The following CDHR5 variants were observed in gnomAD, a reference collection of about 807,000 sequenced individuals.
CDHR5 encodes the protein cadherin-related family member 5.
CDHR5 carries 82 observed loss-of-function variants against 69.5 expected under a neutral mutation model. The ratio of observed to expected loss-of-function variants is 1.18; its 90% CI spans 0.99 to 1.42. The LOEUF is 1.42. CDHR5 is among the 40% of genes most tolerant of loss of function. CDHR5 has a pLI of 0.00. For synonymous variants in CDHR5, 601 were observed against 510.2 expected (o/e 1.18, Z -2.40); for missense variants, 1,293 against 1,168.9 (o/e 1.11, Z -1.55).
rs747435189 is a variant in CDHR5 at position 618,107 on chromosome 11, G to A, written c.1965C>T (p.Gly655=). The part of the protein sequence containing the change: ...PLSKSTPSSG[G]GPSEDKRFSV... ...AGAAGCGCTTGTCCTCCGAGGGGCCGCCACCTGGCATCGCAGTGGAAAACG... is the reference window on the plus strand; with the variant it reads ...AGAAGCGCTTGTCCTCCGAGGGGCCACCACCTGGCATCGCAGTGGAAAACG... The change falls in exon 14 of 15, where the codon GGC becomes GGT. Residue 655 remains glycine, a synonymous_variant. Transcript: ENST00000397542. The A allele has an allele frequency of 1.3e-5, 21 of 1,606,560 alleles. No individual in the cohort carries two copies. Among genetic ancestry groups the A allele is most frequent in the Non-Finnish European group, 1.6e-5 (19 of 1,176,512 alleles).
In CDHR5 at chr11:620,056, G is replaced by A; in HGVS notation, c.978+11C>T. 2 of 1,594,440 alleles carry A rather than the reference G, an allele frequency of 1.3e-6. No homozygotes were observed. The highest frequency in any genetic ancestry group is 1.7e-6 in the Non-Finnish European group (2 of 1,167,656). ...CCTCTGCCCTGCCCCCCATGCAGGT[G>A]CCCACCTCACCTTCACCAGCAGAAG... is the stretch of plus-strand genomic sequence containing the variant. On this transcript the variant is annotated intron_variant, in intron 9 of 14. Coordinates refer to ENST00000397542, the MANE Select transcript of CDHR5 (RefSeq NM_021924.5).
Position 617,272 on chromosome 11 carries a change from T to G in CDHR5, c.*79A>C. 7 of 1,195,222 alleles carry G rather than the reference T, an allele frequency of 5.9e-6. No homozygotes were observed. Among genetic ancestry groups the G allele is most frequent in the Non-Finnish European group, 7.1e-6 (6 of 845,840 alleles). The allele number at this position is 1,195,222 out of a possible 1,614,324, so 74.0% of individuals were successfully genotyped here. ...TGGCCTGGGTTTCGGGAGCCTTGCT[T>G]TATTCTGCCTCGGGTCGGAGGCTGG... On this transcript the variant is annotated 3_prime_UTR_variant, in exon 15 of 15. Transcript: ENST00000397542.
At position 621,154 on chromosome 11, in the gene CDHR5, G is replaced by A; in HGVS notation, c.715C>T (p.Pro239Ser). 6.2e-7 allele frequency: 1 copy of A among 1,604,024 alleles called. No individual in the cohort carries two copies. The highest frequency in any genetic ancestry group is 8.5e-7 in the Non-Finnish European group (1 of 1,174,726). The change falls in exon 7 of 15, where the codon CCC (proline) becomes TCC (serine). Residue 239 changes from proline to serine, a missense_variant. Coordinates refer to ENST00000397542, the MANE Select transcript of CDHR5 (RefSeq NM_021924.5). This position sits in a 1 kb window ranked among gnomAD's most constrained non-coding sequence, Gnocchi z 4.4. ...PADLRPPWFLPCTFSDGYVCI... is the reference protein window; with the variant it reads ...PADLRPPWFLSCTFSDGYVCI... ...ACGTAGCCATCTGAGAAGGTGCAGG[G>A]CAGGAACCACGGGGGCCGCAGGTCG...
rs777830439 is a variant in CDHR5 at position 620,363 on chromosome 11, GGGA to G, written c.810_812del (p.Pro271del). On this transcript the variant is annotated inframe_deletion, in exon 8 of 15. Transcript: ENST00000397542. ...CTCCGTCCTCAGCGTAGATGGGTCC[GGGA>G]CGCAGGACGAGGGGAGATGGCTTCA... 3 of 1,610,522 alleles carry G rather than the reference GGGA, an allele frequency of 1.9e-6. No homozygotes were observed. Among genetic ancestry groups the G allele is most frequent in the Non-Finnish European group, 1.7e-6 (2 of 1,177,756 alleles).
In CDHR5 at chr11:624,180, G is replaced by T. The variant is rs199628020; in HGVS notation, c.312+33C>A. 484 of 739,910 alleles carry T rather than the reference G, an allele frequency of 6.5e-4. 2 individuals are homozygous for T. In the Middle Eastern group the frequency reaches 8.4e-3, roughly 13 times the overall value. 45.8% of individuals were successfully genotyped at this position (739,910 alleles called of 1,614,324 possible). On this transcript the variant is annotated intron_variant, in intron 3 of 14. Coordinates refer to ENST00000397542, the MANE Select transcript of CDHR5 (RefSeq NM_021924.5). The surrounding 1 kb of genome is among the most constrained non-coding windows in gnomAD (Gnocchi z 5.3). Reference sequence around the variant, plus strand: ...AGGGCAGAGCCCAGCAGAGGTGGCCGGGTGGGGCGGGGAGAGCGGGGCGGG... The same window carrying T: ...AGGGCAGAGCCCAGCAGAGGTGGCCTGGTGGGGCGGGGAGAGCGGGGCGGG...
chr11:619,469 C>G lies in CDHR5; in HGVS notation c.1293+5G>C. The G allele has an allele frequency of 1.2e-6, 2 of 1,610,298 alleles. No homozygotes were observed. Among genetic ancestry groups the G allele is most frequent in the Non-Finnish European group, 1.7e-6 (2 of 1,176,638 alleles). Reference sequence around the variant, plus strand: ...TTGGAGATGCCCGCCTGCCCTGCCCCGCACCTCTGCGTAGAAGGCTCCCGC... The same window carrying G: ...TTGGAGATGCCCGCCTGCCCTGCCCGGCACCTCTGCGTAGAAGGCTCCCGC... On this transcript the variant is annotated splice_donor_5th_base_variant and intron_variant, in intron 11 of 14. Coordinates refer to ENST00000397542, the MANE Select transcript of CDHR5 (RefSeq NM_021924.5).
Position 624,590 on chromosome 11 carries a change from G to A in CDHR5, c.228C>T (p.Asn76=). Residue 76 remains asparagine, a synonymous_variant, in exon 2 of 15, where the codon AAC becomes AAT. Coordinates refer to ENST00000397542, the MANE Select transcript of CDHR5 (RefSeq NM_021924.5). This position sits in a 1 kb window ranked among gnomAD's most constrained non-coding sequence, Gnocchi z 5.3. The part of the protein sequence containing the change: ...STPFAFRIQG[N]QLFLNVTPDY... ...CAGGAGTCACGTTGAGAAACAGCTG[G>A]TTTCCCTGGATCCGAAATGCAAAGG... is the stretch of plus-strand genomic sequence containing the variant. The A allele has an allele frequency of 1.9e-6, 3 of 1,609,594 alleles. No homozygotes were observed. Among genetic ancestry groups the A allele is most frequent in the Non-Finnish European group, 2.5e-6 (3 of 1,176,676 alleles).
chr11:620,956 C>G (rs1216071288), intron 7 of CDHR5, 124 bp downstream of exon 7: 1 of 687,506 alleles, frequency 1.5e-6, no homozygotes, highest in Non-Finnish European at 2.3e-6. Flanking sequence ...GTTTCAAAAT[C>G]ACGACCGAAA....
In CDHR5 at chr11:621,331, GGTGACCTGC is replaced by G. The variant is rs1490268160; in HGVS notation, c.618+5_618+13del. 6.2e-7 allele frequency: 1 copy of G among 1,612,520 alleles called. No homozygotes were observed. The highest frequency in any genetic ancestry group is 8.5e-7 in the Non-Finnish European group (1 of 1,179,364). ...TCAAGTGTGTGGGACTCGGGGCTGG[GGTGACCTGC>G]TCACCCGCACCAGCAGCCAGAAGGT... is the stretch of plus-strand genomic sequence containing the variant. On this transcript the variant is annotated splice_donor_5th_base_variant and intron_variant, in intron 6 of 14. Transcript: ENST00000397542. This position sits in a 1 kb window ranked among gnomAD's most constrained non-coding sequence, Gnocchi z 4.4.
Position 624,180 on chromosome 11 carries a change from G to A in CDHR5, c.312+33C>T, listed in dbSNP as rs199628020. On this transcript the variant is annotated intron_variant, in intron 3 of 14. Transcript: ENST00000397542. This position sits in a 1 kb window ranked among gnomAD's most constrained non-coding sequence, Gnocchi z 5.3. ...AGGGCAGAGCCCAGCAGAGGTGGCCGGGTGGGGCGGGGAGAGCGGGGCGGG... is the reference window on the plus strand; with the variant it reads ...AGGGCAGAGCCCAGCAGAGGTGGCCAGGTGGGGCGGGGAGAGCGGGGCGGG... 5.8e-5 allele frequency: 43 copies of A among 739,910 alleles called. No homozygotes were observed. The highest frequency in any genetic ancestry group is 4.0e-4 in the South Asian group (28 of 69,660). 45.8% of individuals were successfully genotyped at this position (739,910 alleles called of 1,614,324 possible).
chr11:620,983 A>T, intron 7 of CDHR5, 97 bp downstream of exon 7: 8 of 536,960 alleles, frequency 1.5e-5, no homozygotes, highest in Non-Finnish European at 2.5e-5. Context: ...CCACCCCCTG[A>T]CCCCGACCCC....
rs146264474 is a variant in CDHR5, at chr11:619,081, G to A, written c.1478C>T (p.Thr493Met). 739 of 1,612,020 alleles carry A rather than the reference G, an allele frequency of 4.6e-4. 5 individuals are homozygous for A. Among genetic ancestry groups the A allele is most frequent in the Middle Eastern group, 4.9e-4 (3 of 6,084 alleles). Reference protein sequence around the residue: ...RPPEPSQGPSTTSSGGGTGPH... With the variant: ...RPPEPSQGPSMTSSGGGTGPH... The stretch of plus-strand genomic sequence containing the variant: ...GCCTGTGCCTCCCCCAGAGCTGGTC[G>A]TGGAGGGTCCCTGGGAGGGCTCAGG... Residue 493 changes from threonine (T) to methionine (M), a missense_variant, in exon 13 of 15, where the codon ACG (threonine) becomes ATG (methionine). Coordinates refer to ENST00000397542, the MANE Select transcript of CDHR5 (RefSeq NM_021924.5).
intron 13 of CDHR5, 134 bp downstream of exon 13, chr11:618,465 G>A (rs185157733): frequency 3.5e-5 from 38 of 1,096,272 alleles, no homozygotes; most frequent in Admixed American, 2.0e-4. Context: ...GTCTGTGTCT[G>A]TCAGTCCCAA....
rs766461010 is a variant in CDHR5, at chr11:621,325, G to T, written c.618+20C>A. On this transcript the variant is annotated intron_variant, in intron 6 of 14. Coordinates refer to ENST00000397542, the MANE Select transcript of CDHR5 (RefSeq NM_021924.5). The surrounding 1 kb of genome is among the most constrained non-coding windows in gnomAD (Gnocchi z 4.4). ...GGGGCCTCAAGTGTGTGGGACTCGG[G>T]GCTGGGGTGACCTGCTCACCCGCAC... The T allele has an allele frequency of 6.2e-7, 1 of 1,612,432 alleles. No homozygotes were observed. The highest frequency in any genetic ancestry group is 8.5e-7 in the Non-Finnish European group (1 of 1,179,352).
At position 624,823 on chromosome 11, in the gene CDHR5, G is replaced by T. The variant is rs1255134301; in HGVS notation, c.80C>A (p.Ala27Asp). The T allele has an allele frequency of 6.2e-7, 1 of 1,609,348 alleles. No individual in the cohort carries two copies. The highest frequency in any genetic ancestry group is 8.5e-7 in the Non-Finnish European group (1 of 1,178,340). ...CTACCCCTGCCCGCACATACACTGG[G>T]CCTGGGCCATGGTCCCCGGGGGTCG... Reference protein sequence around the residue: ...LVRPPGTMAQAQYCSVNKDIF... With the variant: ...LVRPPGTMAQDQYCSVNKDIF... Residue 27 changes from alanine (A) to aspartate (D), a missense_variant, in exon 1 of 15, where the codon GCC (alanine) becomes GAC (aspartate). By Grantham distance (126) the Ala-to-Asp change is moderately radical. Coordinates refer to ENST00000397542, the MANE Select transcript of CDHR5 (RefSeq NM_021924.5). This position sits in a 1 kb window ranked among gnomAD's most constrained non-coding sequence, Gnocchi z 5.3.
chr11:618,250 C>A lies in CDHR5; in HGVS notation c.1961-139G>T, dbSNP rs1294147599. ...TCTCCCAAATCTCAGGCTCTGCTGA[C>A]CCTGGCTCAAGGGGCCTGTGTGTCC... On this transcript the variant is annotated intron_variant, in intron 13 of 14. Transcript: ENST00000397542. The A allele has an allele frequency of 1.6e-5, 12 of 763,314 alleles. No individual in the cohort carries two copies. In the Admixed American group the frequency reaches 2.3e-4, roughly 14 times the overall value. 47.3% of individuals were successfully genotyped at this position (763,314 alleles called of 1,614,324 possible).
rs1857182334 is a variant in CDHR5, at chr11:619,028, T to TCAGAGTTGTA, written c.1530_1531insTACAACTCTG (p.Arg511TyrfsTer207). The TCAGAGTTGTA allele has an allele frequency of 6.2e-7, 1 of 1,613,250 alleles. No individual in the cohort carries two copies. The highest frequency in any genetic ancestry group is 1.1e-5 in the South Asian group (1 of 91,052). ...CCGGGTGTGGACGAGGTTGGTGGCC[T>TCAGAGTTGTA]CAGAGTTGTGCCAGAGGGTGGATGA... is the stretch of plus-strand genomic sequence containing the variant. On this transcript the variant is annotated frameshift_variant, in exon 13 of 15. Coordinates refer to ENST00000397542, the MANE Select transcript of CDHR5 (RefSeq NM_021924.5). LOFTEE classifies it high-confidence loss of function.
In CDHR5 at chr11:619,160, C is replaced by A; in HGVS notation, c.1399G>T (p.Ala467Ser). 1 of 1,554,526 alleles carries A rather than the reference C, an allele frequency of 6.4e-7. No individual in the cohort carries two copies. Among genetic ancestry groups the A allele is most frequent in the Non-Finnish European group, 8.7e-7 (1 of 1,152,222 alleles). ...PSTDVPPSPE[A>S]GGTTGPWTST... ...GTCCAGGGCCCAGTTGTTCCTCCAG[C>A]CTCTGGGGATGGGGGGACATCTGGG... The change falls in exon 13 of 15, where the codon GCT becomes TCT. Residue 467 changes from alanine (A) to serine (S), a missense_variant. Transcript: ENST00000397542.
rs149585862 is a variant in CDHR5 at position 619,005 on chromosome 11, G to A, written c.1554C>T (p.Pro518=). The part of the protein sequence containing the change: ...TTLRPPTSST[P]GGPPGAENST... ...TGTTTTCTGCACCCGGGGGCCCCCC[G>A]GGTGTGGACGAGGTTGGTGGCCTCA... The change falls in exon 13 of 15, where the codon CCC becomes CCT. Residue 518 remains proline, a synonymous_variant. Transcript: ENST00000397542. The A allele has an allele frequency of 8.1e-6, 13 of 1,613,432 alleles. No individual in the cohort carries two copies. Among genetic ancestry groups the A allele is most frequent in the Non-Finnish European group, 7.6e-6 (9 of 1,179,778 alleles).
Sources: gnomAD v4.1 joint callset for allele counts on GRCh38, gnomAD v4.1.1 for gene constraint, Gnocchi (gnomAD v3.1) non-coding constraint, MANE v1.5 for transcripts, NCBI Gene and HGNC (gene_info 2026-07-23, HGNC 2026-07-21) for gene names.